GNAT3: variants seen among roughly 807,000 people sequenced by gnomAD.
The protein encoded by GNAT3 is guanine nucleotide-binding protein G(t) subunit alpha-3.
A neutral mutation model predicts 37.7 loss-of-function variants in GNAT3; 31 were observed. The ratio of observed to expected loss-of-function variants is 0.82; its 90% CI spans 0.62 to 1.11. The LOEUF (loss-of-function observed/expected upper bound fraction) is 1.11, where lower values mean the gene tolerates loss of function less well. Ranked by LOEUF, GNAT3 falls within the 50% of genes most tolerant of loss-of-function variation. The pLI is 0.00. For missense variants in GNAT3, 437 were observed against 412.5 expected, an observed-to-expected ratio of 1.06 and a Z score of -0.51; for synonymous variants, 138 against 139.8, an observed-to-expected ratio of 0.99 and a Z score of 0.09.
At chr7:80,463,480 C>T (rs893666795) in intron 5 of GNAT3, among the ~76,000 whole-genome samples, 2 of 152,054 alleles carry the variant, frequency 1.3e-5, no homozygotes, top group Non-Finnish European at 2.9e-5. Flanking sequence ...CTTCTTCCTT[C>T]CAAGGTTGCT....
chr7:80,471,606 C>A (rs1013190506), intron 5 of GNAT3, among the ~76,000 whole-genome samples: 1 of 152,042 alleles, frequency 6.6e-6, no homozygotes, highest in Non-Finnish European at 1.5e-5. Flanking sequence ...ATCCTCCCTC[C>A]CGCCTTCTCT....
At chr7:80,466,918 G>A (rs922240885) in intron 5 of GNAT3, among the ~76,000 whole-genome samples, 2 of 151,998 alleles carry the variant, frequency 1.3e-5, no homozygotes, top group African/African-American at 2.4e-5. Flanking sequence ...AATACCTTAC[G>A]GTTGAATAAA....
chr7:80,508,777 A>C (rs2116236572), intron 1 of GNAT3, among the ~76,000 whole-genome samples: 2 of 152,188 alleles, frequency 1.3e-5, no homozygotes, highest in Admixed American at 1.3e-4. Flanking sequence ...GATTCAGTGA[A>C]ATCTTGTGTT....
intron 1 of GNAT3, among the ~76,000 whole-genome samples, chr7:80,509,027 G>A (rs1196925220): frequency 3.3e-5 from 5 of 152,050 alleles, no homozygotes; most frequent in Admixed American, 1.3e-4. Context: ...AAACTTAAAA[G>A]TGTCATTCAG....
chr7:80,471,876 G>A (rs1180475672), intron 5 of GNAT3, among the ~76,000 whole-genome samples: 1 of 151,910 alleles, frequency 6.6e-6, no homozygotes, highest in Non-Finnish European at 1.5e-5. Context: ...CCTGAGTATC[G>A]ATAGCAACAC....
Position 80,458,821 on chromosome 7 carries a change from G to C in GNAT3, c.915C>G (p.Asn305Lys). The change falls in exon 8 of 8, where the codon AAC (asparagine) becomes AAG (lysine). Residue 305 changes from asparagine (N) to lysine (K), a missense_variant. Coordinates refer to ENST00000398291, the MANE Select transcript of GNAT3 (RefSeq NM_001102386.3). ...TFEDAGNYIK[N>K]QFLDLNLKKE... ...TTTTTAAATTCAGGTCTAGAAACTG[G>C]TTCTTGATGTAGTTTCCTGCATCTT... The C allele has an allele frequency of 6.3e-7, 1 of 1,592,824 alleles. No homozygotes were observed. Among genetic ancestry groups the C allele is most frequent in the Non-Finnish European group, 8.5e-7 (1 of 1,170,842 alleles).
intron 4 of GNAT3, among the ~76,000 whole-genome samples, chr7:80,477,410 T>C (rs1391318323): frequency 2.6e-5 from 4 of 152,168 alleles, no homozygotes; most frequent in South Asian, 4.1e-4. Flanking sequence ...TAAAATGTGG[T>C]AGGTGCTGAG....
At chr7:80,500,563 A>G (rs1364682625) in intron 1 of GNAT3, among the ~76,000 whole-genome samples, 1 of 152,070 alleles carries the variant, frequency 6.6e-6, no homozygotes, top group Non-Finnish European at 1.5e-5. Flanking sequence ...TCTAGGGTCT[A>G]TTCTGTTAAC....
chr7:80,510,109 A>G (rs2116239093), intron 1 of GNAT3, among the ~76,000 whole-genome samples: 1 of 152,184 alleles, frequency 6.6e-6, no homozygotes, highest in South Asian at 2.1e-4. Context: ...GTGTCCTTTG[A>G]CCAACAACTC....
intron 1 of GNAT3, among the ~76,000 whole-genome samples, chr7:80,505,468 G>T (rs541848253): frequency 6.6e-6 from 1 of 152,094 alleles, no homozygotes. Context: ...CCGGGTTCAC[G>T]CCATTCTCCT....
chr7:80,495,904 C>CT (rs1392739435), intron 1 of GNAT3, among the ~76,000 whole-genome samples: 1 of 152,036 alleles, frequency 6.6e-6, no homozygotes, highest in Non-Finnish European at 1.5e-5. Context: ...GAGCTATTTG[C>CT]TTTTTTCTCG....
intron 5 of GNAT3, among the ~76,000 whole-genome samples, chr7:80,470,434 C>T (rs1306659977): frequency 2.0e-5 from 3 of 152,132 alleles, no homozygotes; most frequent in African/African-American, 7.2e-5. Context: ...GTTGGCCAGG[C>T]TGGTCTGAAC....
At chr7:80,500,521 G>A (rs1790813305) in intron 1 of GNAT3, among the ~76,000 whole-genome samples, 1 of 152,016 alleles carries the variant, frequency 6.6e-6, no homozygotes, top group Non-Finnish European at 1.5e-5. Flanking sequence ...GAGTATTGAA[G>A]AGAAGGTCAA....
intron 7 of GNAT3, 115 bp from the exon 8 acceptor site, chr7:80,458,976 A>C: frequency 1.5e-6 from 1 of 686,598 alleles, no homozygotes. Context: ...GTATTGCAAA[A>C]TCATAAAGGC....
chr7:80,509,704 G>A (rs1791024117), intron 1 of GNAT3, among the ~76,000 whole-genome samples: 1 of 152,048 alleles, frequency 6.6e-6, no homozygotes, highest in Non-Finnish European at 1.5e-5. Flanking sequence ...GTATGTATCA[G>A]TAGTCCATTG....
At chr7:80,478,755 G>A in intron 4 of GNAT3, 86 bp downstream of exon 4, 2 of 1,298,058 alleles carry the variant, frequency 1.5e-6, no homozygotes, top group Non-Finnish European at 2.1e-6. Context: ...TTCCTCATTT[G>A]AATTTACAAA....
intron 1 of GNAT3, among the ~76,000 whole-genome samples, chr7:80,510,858 TTAAA>T (rs1791052927): frequency 6.6e-6 from 1 of 152,160 alleles, no homozygotes; most frequent in Admixed American, 6.6e-5. Context: ...ATTTAAGTGT[TTAAA>T]TACTTAAAAT....
chr7:80,471,847 G>A (rs758694392), intron 5 of GNAT3, among the ~76,000 whole-genome samples: 21 of 151,984 alleles, frequency 1.4e-4, no homozygotes, highest in Non-Finnish European at 2.1e-4. Context: ...TTAGCCTCAG[G>A]ATAACCAAGA....
chr7:80,501,070 A>G (rs759629790), intron 1 of GNAT3, among the ~76,000 whole-genome samples: 3 of 152,084 alleles, frequency 2.0e-5, no homozygotes, highest in Non-Finnish European at 4.4e-5. Flanking sequence ...ATGTTTATGT[A>G]ATTTTGAAAT....
Sources: allele counts gnomAD v4.1 joint callset (sites outside exome capture counted in the v4.1 genomes callset), GRCh38; gene constraint gnomAD v4.1.1; transcripts MANE v1.5; gene names NCBI Gene and HGNC (gene_info 2026-07-23, HGNC 2026-07-21).